DMXL2: variants seen among roughly 807,000 people sequenced by gnomAD.
DMXL2 encodes the protein Dmx like 2.
DMXL2 carries 103 observed loss-of-function variants against 331.1 expected under a neutral mutation model. The ratio of observed to expected loss-of-function variants is 0.31; its 90% CI spans 0.27 to 0.37. The LOEUF (loss-of-function observed/expected upper bound fraction) is 0.37, where lower values mean the gene tolerates loss of function less well. DMXL2 is among the 10% of genes least tolerant of loss of function. The pLI is 1.00. For missense variants in DMXL2, 3,171 were observed against 3,642.9 expected, an observed-to-expected ratio of 0.87 and a Z score of 3.33; for synonymous variants, 1,281 against 1,252.1, an observed-to-expected ratio of 1.02 and a Z score of -0.49.
intron 1 of DMXL2, among the ~76,000 whole-genome samples, chr15:51,599,649 T>C (rs1000720875): frequency 3.3e-5 from 5 of 152,126 alleles, no homozygotes; most frequent in African/African-American, 1.2e-4. Context: ...ATCTATGAGG[T>C]CACACTAATG....
intron 1 of DMXL2, among the ~76,000 whole-genome samples, chr15:51,578,025 G>T (rs905682637): frequency 4.6e-5 from 7 of 152,140 alleles, no homozygotes; most frequent in African/African-American, 1.7e-4. Flanking sequence ...ATGGGGAGAT[G>T]ACTAGGTAAA....
intron 40 of DMXL2, among the ~76,000 whole-genome samples, chr15:51,454,610 C>A (rs944710061): frequency 1.3e-5 from 2 of 152,122 alleles, no homozygotes; most frequent in African/African-American, 4.8e-5. Context: ...GATTCTCCTG[C>A]CTCAGCCTCC....
chr15:51,492,688 G>A (rs1314851410), intron 19 of DMXL2, among the ~76,000 whole-genome samples: 1 of 152,150 alleles, frequency 6.6e-6, no homozygotes, highest in Non-Finnish European at 1.5e-5. Context: ...CACACAGAAT[G>A]GTAATCAATA....
chr15:51,476,541 A>G, intron 27 of DMXL2, 48 bp downstream of exon 27: 1 of 1,586,506 alleles, frequency 6.3e-7, no homozygotes, highest in Non-Finnish European at 8.5e-7. Context: ...TTTTAGGAAG[A>G]AATTGCCAAC....
chr15:51,564,408 T>A, intron 4 of DMXL2, 148 bp from the exon 5 acceptor site: 1 of 521,580 alleles, frequency 1.9e-6, no homozygotes, highest in Non-Finnish European at 3.1e-6. Context: ...TATATTTTTT[T>A]AAAGTCCCTT....
chr15:51,504,022 C>G (rs1354289096), intron 16 of DMXL2, among the ~76,000 whole-genome samples: 1 of 151,776 alleles, frequency 6.6e-6, no homozygotes, highest in Non-Finnish European at 1.5e-5. Context: ...CTAAAAGAAA[C>G]CCCTTATACA....
intron 28 of DMXL2, among the ~76,000 whole-genome samples, chr15:51,472,875 G>T (rs375734227): frequency 3.9e-5 from 6 of 152,060 alleles, no homozygotes; most frequent in Admixed American, 2.6e-4. Flanking sequence ...CAGCTAGAGC[G>T]GTTCTGTTGA....
chr15:51,489,639 T>C (rs2042650639), intron 20 of DMXL2, among the ~76,000 whole-genome samples: 1 of 148,144 alleles, frequency 6.8e-6, no homozygotes, highest in African/African-American at 2.5e-5. Flanking sequence ...TGGGCGACAG[T>C]GCAAGACTCT....
chr15:51,611,954 C>T (rs571711216), intron 1 of DMXL2, among the ~76,000 whole-genome samples: 5 of 152,326 alleles, frequency 3.3e-5, no homozygotes, highest in East Asian at 1.9e-4. Flanking sequence ...AGCGGCAACC[C>T]GCTCGGGTCC....
At chr15:51,476,015 A>C (rs1483746927) in intron 27 of DMXL2, among the ~76,000 whole-genome samples, 2 of 152,220 alleles carry the variant, frequency 1.3e-5, no homozygotes, top group East Asian at 3.8e-4. Context: ...ATTTTGAAAT[A>C]AGAGGTTAAA....
intron 29 of DMXL2, among the ~76,000 whole-genome samples, chr15:51,467,121 A>G (rs879450465): frequency 5.9e-5 from 9 of 152,026 alleles, no homozygotes; most frequent in Non-Finnish European, 1.3e-4. Flanking sequence ...TCTGTTCCTC[A>G]CTTTATTCTA....
intron 1 of DMXL2, among the ~76,000 whole-genome samples, chr15:51,579,185 T>C (rs1478176777): frequency 3.3e-5 from 5 of 152,144 alleles, no homozygotes; most frequent in African/African-American, 1.2e-4. Context: ...GTAATTCCCA[T>C]CAAAATGGAA....
intron 33 of DMXL2, chr15:51,460,123 TAAGTAAATAA>T: frequency 6.2e-6 from 6 of 961,700 alleles, no homozygotes; most frequent in Non-Finnish European, 7.4e-6. Flanking sequence ...GATTTTTCTC[TAAGTAAATAA>T]ATGTTTAATA....
intron 13 of DMXL2, among the ~76,000 whole-genome samples, chr15:51,526,053 A>T (rs574589776): frequency 6.7e-6 from 1 of 149,828 alleles, no homozygotes; most frequent in Admixed American, 6.7e-5. Flanking sequence ...TGATGGCCAC[A>T]GGGGTGCTTG....
intron 13 of DMXL2, among the ~76,000 whole-genome samples, chr15:51,523,728 G>A (rs974530376): frequency 6.6e-6 from 1 of 152,210 alleles, no homozygotes; most frequent in Non-Finnish European, 1.5e-5. Flanking sequence ...AAGAGGCAAG[G>A]AAGGATCCTC....
Position 51,459,492 on chromosome 15 carries a change from C to G in DMXL2, c.7989+106G>C, listed in dbSNP as rs920385380. 1.4e-5 allele frequency: 13 copies of G among 909,130 alleles called. No individual in the cohort carries two copies. The South Asian group carries it at 1.8e-4, about 13-fold the overall frequency. 56.3% of individuals were successfully genotyped at this position (909,130 alleles called of 1,614,324 possible). On this transcript the variant is annotated intron_variant, in intron 34 of 43. Coordinates refer to ENST00000560891, the MANE Select transcript of DMXL2 (RefSeq NM_001378457.1). ...AAGTGGTATGGGAGTACTATGAGTT[C>G]TCTGAGTAGTTAGCCAGTTGGGCAG... is the stretch of plus-strand genomic sequence containing the variant.
intron 15 of DMXL2, among the ~76,000 whole-genome samples, chr15:51,511,836 T>C (rs987986356): frequency 5.3e-5 from 8 of 152,158 alleles, no homozygotes; most frequent in African/African-American, 1.7e-4. Context: ...GTAGCACATA[T>C]ACACCATGGA....
chr15:51,517,521 G>A (rs903543585), intron 13 of DMXL2, among the ~76,000 whole-genome samples: 1 of 152,224 alleles, frequency 6.6e-6, no homozygotes, highest in Middle Eastern at 3.2e-3. Flanking sequence ...CCAGACCGAA[G>A]GTAAGGGCAA....
chr15:51,568,306 A>G (rs2050428246), intron 3 of DMXL2, 181 bp downstream of exon 3: 1 of 487,286 alleles, frequency 2.1e-6, no homozygotes, highest in Non-Finnish European at 3.7e-6. Flanking sequence ...TTGGGTTTCT[A>G]AAAGCACTAG....
Sources: gnomAD v4.1 joint callset for allele counts (sites outside exome capture counted in the v4.1 genomes callset) on GRCh38, gnomAD v4.1.1 for gene constraint, MANE v1.5 for transcripts, NCBI Gene and HGNC (gene_info 2026-07-23, HGNC 2026-07-21) for gene names.